The following DPYSL3 variants were observed in gnomAD, a reference collection of about 807,000 sequenced individuals.
DPYSL3 encodes dihydropyrimidinase-related protein 3.
Under a neutral mutation model 66.1 loss-of-function variants are expected in DPYSL3, and 16 were observed. The ratio of observed to expected loss-of-function variants is 0.24; its 90% CI spans 0.16 to 0.37. DPYSL3 has a LOEUF of 0.37. DPYSL3 is among the 10% of genes least tolerant of loss of function. The pLI, the probability that DPYSL3 is intolerant of heterozygous loss-of-function variation, is 1.00. For missense variants in DPYSL3, 738 were observed against 916.2 expected, an observed-to-expected ratio of 0.81 and a Z score of 2.51; for synonymous variants, 338 against 345.1, an observed-to-expected ratio of 0.98 and a Z score of 0.23.
chr5:147,445,837 A>T (rs1395117108), intron 1 of DPYSL3, among the ~76,000 whole-genome samples: 1 of 152,208 alleles, frequency 6.6e-6, no homozygotes, highest in Non-Finnish European at 1.5e-5. Flanking sequence ...ACAGCAAATG[A>T]ATCATGATAT....
At chr5:147,506,464 G>T (rs1753686600) in intron 1 of DPYSL3, among the ~76,000 whole-genome samples, 1 of 152,028 alleles carries the variant, frequency 6.6e-6, no homozygotes, top group Non-Finnish European at 1.5e-5. Context: ...CTTCGCCATG[G>T]TCATATCCCA....
chr5:147,474,622 A>G (rs1270123079), intron 1 of DPYSL3, among the ~76,000 whole-genome samples: 1 of 152,072 alleles, frequency 6.6e-6, no homozygotes, highest in East Asian at 1.9e-4. Context: ...GGAGGTAATG[A>G]TTGTATGGAG....
intron 6 of DPYSL3, among the ~76,000 whole-genome samples, chr5:147,411,826 AC>A (rs1165065893): frequency 1.3e-5 from 2 of 152,218 alleles, no homozygotes; most frequent in African/African-American, 4.8e-5. Flanking sequence ...TTCAATAGCT[AC>A]TGCCTGGCAC....
At chr5:147,505,347 G>C (rs949277795) in intron 1 of DPYSL3, among the ~76,000 whole-genome samples, 1 of 151,908 alleles carries the variant, frequency 6.6e-6, no homozygotes, top group Non-Finnish European at 1.5e-5. Context: ...CGATTCTCCT[G>C]CCTCAGCCTC....
chr5:147,405,816 T>G, intron 7 of DPYSL3, 86 bp from the exon 8 acceptor site: 1 of 1,521,114 alleles, frequency 6.6e-7, no homozygotes, highest in Non-Finnish European at 8.8e-7. Context: ...GAGGATGCAG[T>G]GCTGCACAAA....
intron 2 of DPYSL3, among the ~76,000 whole-genome samples, chr5:147,423,286 A>G (rs927282797): frequency 1.4e-4 from 22 of 152,350 alleles, no homozygotes; most frequent in Admixed American, 1.2e-3. Flanking sequence ...TTGGCAAGGT[A>G]ACTATGAACA....
chr5:147,460,722 A>C (rs1752918767), intron 1 of DPYSL3, among the ~76,000 whole-genome samples: 1 of 152,238 alleles, frequency 6.6e-6, no homozygotes, highest in Non-Finnish European at 1.5e-5. Context: ...CTCTGATAAC[A>C]CTTCGAATTT....
In DPYSL3 at chr5:147,509,468, G is replaced by A; in HGVS notation, c.381+10C>T. 1 of 1,496,352 alleles carries A rather than the reference G, an allele frequency of 6.7e-7. No individual in the cohort carries two copies. Among genetic ancestry groups the A allele is most frequent in the Non-Finnish European group, 8.9e-7 (1 of 1,126,982 alleles). The allele number at this position is 1,496,352 out of a possible 1,614,324, so 92.7% of individuals were successfully genotyped here. On this transcript the variant is annotated intron_variant, in intron 1 of 13. Transcript: ENST00000343218. This position sits in a 1 kb window ranked among gnomAD's most constrained non-coding sequence, Gnocchi z 5.3. ...AAGGCAAGGAGGGAAGTGACCCGGG[G>A]CCCCCTTACCTTGTCCTTGGGGCCG... is the stretch of plus-strand genomic sequence containing the variant.
chr5:147,466,714 A>G (rs1753014855), intron 1 of DPYSL3, among the ~76,000 whole-genome samples: 1 of 152,102 alleles, frequency 6.6e-6, no homozygotes, highest in Admixed American at 6.6e-5. Flanking sequence ...CTGCAATCCC[A>G]CTTTGTATTT....
chr5:147,395,683 A>G lies in DPYSL3; in HGVS notation c.1842T>C (p.Asp614=), dbSNP rs746254120. 9.9e-6 allele frequency: 16 copies of G among 1,613,972 alleles called. No individual in the cohort carries two copies. The highest frequency in any genetic ancestry group is 1.3e-5 in the Non-Finnish European group (15 of 1,180,044). The change falls in exon 13 of 14, where the codon GAT becomes GAC. Residue 614 remains aspartate (D), a synonymous_variant. Coordinates refer to ENST00000343218, the MANE Select transcript of DPYSL3 (RefSeq NM_001197294.2). ...DLHAVPRGMY[D]GPVFDLTTTP... The stretch of plus-strand genomic sequence containing the variant: ...TGGTGGTCAGGTCAAACACAGGCCC[A>G]TCGTACATGCCCCTTGGGACGGCAT...
chr5:147,413,606 G>C lies in DPYSL3; in HGVS notation c.872C>G (p.Ser291Cys). ...YMAYKDLYQVSNTELYEIFTC... is the reference protein window; with the variant it reads ...YMAYKDLYQVCNTELYEIFTC... ...CAAATGGGTTGTTACCTCTGTGTTA[G>C]ATACTTGATACAAATCCTTATAAGC... The change falls in exon 5 of 14, where the codon TCT becomes TGT. Residue 291 changes from serine (S) to cysteine (C), a missense_variant. Transcript: ENST00000343218. 1.2e-6 allele frequency: 2 copies of C among 1,612,928 alleles called. No homozygotes were observed. The highest frequency in any genetic ancestry group is 8.5e-7 in the Non-Finnish European group (1 of 1,179,176).
At chr5:147,464,739 C>A (rs934625068) in intron 1 of DPYSL3, among the ~76,000 whole-genome samples, 4 of 152,072 alleles carry the variant, frequency 2.6e-5, no homozygotes, top group Admixed American at 6.6e-5. Flanking sequence ...CCATCTGGAC[C>A]AGTGAAGGTA....
At chr5:147,455,099 A>G (rs961472951) in intron 1 of DPYSL3, among the ~76,000 whole-genome samples, 26 of 152,342 alleles carry the variant, frequency 1.7e-4, no homozygotes, top group African/African-American at 6.0e-4. Flanking sequence ...TCACGTTTCC[A>G]TAAGGCAGCC....
intron 1 of DPYSL3, among the ~76,000 whole-genome samples, chr5:147,508,870 G>C (rs1753717211): frequency 6.6e-6 from 1 of 152,138 alleles, no homozygotes; most frequent in Non-Finnish European, 1.5e-5. Flanking sequence ...TACAAACACA[G>C]ATGTGAAATG....
chr5:147,482,139 C>A (rs1454704780), intron 1 of DPYSL3, among the ~76,000 whole-genome samples: 2 of 152,124 alleles, frequency 1.3e-5, no homozygotes, highest in Non-Finnish European at 2.9e-5. Flanking sequence ...TTGTTATAAC[C>A]AGCAACAACA....
chr5:147,474,303 C>T (rs550288996), intron 1 of DPYSL3, among the ~76,000 whole-genome samples: 2 of 152,014 alleles, frequency 1.3e-5, no homozygotes, highest in African/African-American at 2.4e-5. Flanking sequence ...TTTCTCATAA[C>T]ACTGTTATCA....
chr5:147,457,669 G>T (rs1752873783), intron 1 of DPYSL3, among the ~76,000 whole-genome samples: 2 of 152,216 alleles, frequency 1.3e-5, no homozygotes, highest in South Asian at 2.1e-4. Flanking sequence ...AGTAGAATTG[G>T]TACCTGGGCA....
chr5:147,463,821 C>G (rs1351669427), intron 1 of DPYSL3, among the ~76,000 whole-genome samples: 2 of 152,120 alleles, frequency 1.3e-5, no homozygotes, highest in African/African-American at 4.8e-5. Context: ...CAAGCAGCCA[C>G]TTGGTGACAA....
At chr5:147,418,798 T>C (rs781584219) in intron 2 of DPYSL3, among the ~76,000 whole-genome samples, 167 bp from the exon 3 acceptor site, 13 of 152,234 alleles carry the variant, frequency 8.5e-5, no homozygotes, top group Non-Finnish European at 1.8e-4. Context: ...CAAAGATAGA[T>C]ATACACAGAA....
Sources: gnomAD v4.1 joint callset for allele counts (sites outside exome capture counted in the v4.1 genomes callset) on GRCh38, gnomAD v4.1.1 for gene constraint, Gnocchi (gnomAD v3.1) non-coding constraint, MANE v1.5 for transcripts, NCBI Gene and HGNC (gene_info 2026-07-23, HGNC 2026-07-21) for gene names.